The following CCDC141 variants were observed in gnomAD, a reference collection of about 807,000 sequenced individuals.
CCDC141 encodes coiled-coil domain containing 141.
CCDC141 carries 168 observed loss-of-function variants against 181.0 expected under a neutral mutation model. That is an observed-to-expected ratio of 0.93 (90% CI 0.82 to 1.05). CCDC141 has a LOEUF of 1.05. Among genes scored for constraint, CCDC141 ranks in the 50% least tolerant of loss-of-function variants. The pLI is 0.00. For missense variants in CCDC141, 1,902 were observed against 1,788.5 expected (o/e 1.06, Z -1.14); for synonymous variants, 666 against 642.3 (o/e 1.04, Z -0.56).
In CCDC141 at chr2:178,834,451, G is replaced by A. The variant is rs1332194458; in HGVS notation, c.4326-11C>T. ...TGGCCCTTCTTGTACCTGAAGCAGA[G>A]AGGCAGTTTTTAAAGTCAGGATTGC... On this transcript the variant is annotated splice_polypyrimidine_tract_variant and intron_variant, in intron 23 of 23. Transcript: ENST00000443758. 1.3e-6 allele frequency: 2 copies of A among 1,534,088 alleles called. No individual in the cohort carries two copies. The highest frequency in any genetic ancestry group is 1.7e-6 in the Non-Finnish European group (2 of 1,145,108).
chr2:178,815,518 C>T, the CCDC141 span, among the ~76,000 whole-genome samples: 3 of 152,136 alleles, frequency 2.0e-5, no homozygotes, highest in Non-Finnish European at 4.4e-5. Flanking sequence ...CTTTGTCTCC[C>T]TCCATCTCTG....
chr2:178,881,913 TCTCACACACACACACA>T (rs1163143239), intron 11 of CCDC141, among the ~76,000 whole-genome samples: 25 of 111,012 alleles, frequency 2.3e-4, no homozygotes, highest in Admixed American at 9.6e-4. Context: ...TCTCTCTCTC[TCTCACACACACACACA>T]CACACACACA....
intron 13 of CCDC141, 30 bp downstream of exon 13, chr2:178,872,103 C>A (rs1283321654): frequency 6.3e-7 from 1 of 1,597,826 alleles, no homozygotes; most frequent in Admixed American, 1.7e-5. Flanking sequence ...AATTTCATTC[C>A]TTTTCACATC....
intron 4 of CCDC141, among the ~76,000 whole-genome samples, chr2:178,974,572 A>T (rs1165720919): frequency 2.0e-5 from 3 of 152,188 alleles, no homozygotes; most frequent in Admixed American, 1.3e-4. Flanking sequence ...TTAGATTTTC[A>T]TCTGGAAAAA....
chr2:178,909,580 C>G (rs1688130856), intron 7 of CCDC141, among the ~76,000 whole-genome samples: 1 of 152,166 alleles, frequency 6.6e-6, no homozygotes, highest in South Asian at 2.1e-4. Context: ...ATACACAAAG[C>G]TCATCTCTCT....
chr2:178,866,284 C>T (rs1403068184), intron 16 of CCDC141, among the ~76,000 whole-genome samples: 1 of 152,234 alleles, frequency 6.6e-6, no homozygotes, highest in Non-Finnish European at 1.5e-5. Flanking sequence ...ACCTCAGGTT[C>T]ATTATGCAAG....
At chr2:178,857,797 G>A (rs184412561) in intron 17 of CCDC141, among the ~76,000 whole-genome samples, 9 of 152,242 alleles carry the variant, frequency 5.9e-5, no homozygotes, top group African/African-American at 2.2e-4. Context: ...TTCAATGATA[G>A]CAAACAAATT....
At chr2:178,841,182 A>G (rs1169245904) in intron 22 of CCDC141, among the ~76,000 whole-genome samples, 5 of 152,208 alleles carry the variant, frequency 3.3e-5, no homozygotes, top group African/African-American at 1.2e-4. Flanking sequence ...GTTTAGAACA[A>G]AGTTAGATAT....
In CCDC141 at chr2:178,939,073, AT is replaced by A. The variant is rs146390155; in HGVS notation, c.897+5461del. 3.0e-3 allele frequency among the ~76,000 whole-genome samples: 451 copies of A among 152,220 alleles called. 7 individuals carry two copies. The highest frequency in any genetic ancestry group is 0.01 in the African/African-American group (417 of 41,540). ...TGCTAATTCAAGTGAGAAGAGGCTA[AT>A]AAAGTGGCTAAGGAAAATGTGTATC... On this transcript the variant is annotated intron_variant, in intron 6 of 23. Transcript: ENST00000443758.
chr2:178,987,733 G>A (rs866597578), intron 2 of CCDC141, among the ~76,000 whole-genome samples: 1,938 of 148,336 alleles, frequency 0.013, 33 homozygotes, highest in African/African-American at 0.046. Context: ...CACCATCACT[G>A]GCCATCAGAG....
downstream of CCDC141, among the ~76,000 whole-genome samples, chr2:178,829,465 C>T (rs983004906): frequency 6.6e-6 from 1 of 152,182 alleles, no homozygotes; most frequent in African/African-American, 2.4e-5. Flanking sequence ...TGATGTTATA[C>T]AAACTCTCAC....
In CCDC141 at chr2:178,975,168, A is replaced by G; in HGVS notation, c.418-3T>C. 2 of 1,387,666 alleles carry G rather than the reference A, an allele frequency of 1.4e-6. No homozygotes were observed. Among genetic ancestry groups the G allele is most frequent in the Non-Finnish European group, 2.0e-6 (2 of 1,013,684 alleles). 86.0% of individuals were successfully genotyped at this position (1,387,666 alleles called of 1,614,324 possible). A position where few individuals can be genotyped will look rare whatever the true frequency, so the allele number is the denominator to read the frequency against. The stretch of plus-strand genomic sequence containing the variant: ...GCTTGGTCTATTTTAATAGCAAACT[A>G]CAATAGAAATACAGAGGAAAGACAT... On this transcript the variant is annotated splice_region_variant and splice_polypyrimidine_tract_variant and intron_variant, in intron 3 of 23. Transcript: ENST00000443758.
chr2:178,865,755 T>A lies in CCDC141; in HGVS notation c.2724+12A>T. On this transcript the variant is annotated intron_variant, in intron 17 of 23. Coordinates refer to ENST00000443758, the MANE Select transcript of CCDC141 (RefSeq NM_173648.4). ...TTGGCAATGTGCCAGTTCTCACCCCTCCCACACCCACCTCATTTATCTCGT... is the reference window on the plus strand; with the variant it reads ...TTGGCAATGTGCCAGTTCTCACCCCACCCACACCCACCTCATTTATCTCGT... 6.7e-7 allele frequency: 1 copy of A among 1,481,734 alleles called. No homozygotes were observed. Among genetic ancestry groups the A allele is most frequent in the Non-Finnish European group, 9.0e-7 (1 of 1,111,386 alleles). 91.8% of individuals were successfully genotyped at this position (1,481,734 alleles called of 1,614,324 possible).
At chr2:178,955,044 G>C (rs2154378325) in intron 5 of CCDC141, among the ~76,000 whole-genome samples, 1 of 152,208 alleles carries the variant, frequency 6.6e-6, no homozygotes, top group East Asian at 1.9e-4. Context: ...CAGCACTTTG[G>C]GAGGCCAAGA....
intron 20 of CCDC141, among the ~76,000 whole-genome samples, 172 bp from the exon 21 acceptor site, chr2:178,850,333 G>C (rs1417413745): frequency 6.6e-6 from 1 of 152,206 alleles, no homozygotes; most frequent in East Asian, 1.9e-4. Context: ...CTAAAAGCTA[G>C]ATATTCTAGG....
At chr2:178,972,213 T>C (rs1245383678) in intron 4 of CCDC141, among the ~76,000 whole-genome samples, 3 of 152,152 alleles carry the variant, frequency 2.0e-5, no homozygotes, top group Non-Finnish European at 4.4e-5. Flanking sequence ...CTTAGAAAAC[T>C]GGAGGGTGCA....
intron 2 of CCDC141, among the ~76,000 whole-genome samples, chr2:178,981,016 C>A (rs749085403): frequency 6.6e-6 from 1 of 152,012 alleles, no homozygotes; most frequent in East Asian, 1.9e-4. Context: ...ATGGGTGTTA[C>A]GTAATAATAA....
At chr2:178,921,302 C>T (rs921827286) in intron 6 of CCDC141, among the ~76,000 whole-genome samples, 4 of 152,212 alleles carry the variant, frequency 2.6e-5, no homozygotes, top group African/African-American at 7.2e-5. Flanking sequence ...TGGGAATGAG[C>T]AAATATTTTT....
At position 179,008,982 on chromosome 2, in the gene CCDC141, C is replaced by T. The variant is rs183313313; in HGVS notation, c.226-30307G>A. On this transcript the variant is annotated intron_variant, in intron 2 of 23. Transcript: ENST00000443758. ...GCATTTCAGCCACTGCCTACTTGTC[C>T]ATCCTATCTTTCTCATGACCCTTTT... Among the ~76,000 whole-genome samples the T allele has an allele frequency of 1.3e-4, 20 of 152,256 alleles. No individual in the cohort carries two copies. In the East Asian group the frequency reaches 3.9e-3, roughly 29 times the overall value.
Sources: gnomAD v4.1 joint callset for allele counts (sites outside exome capture counted in the v4.1 genomes callset) on GRCh38, gnomAD v4.1.1 for gene constraint, MANE v1.5 for transcripts, NCBI Gene and HGNC (gene_info 2026-07-23, HGNC 2026-07-21) for gene names.